The following DOCK3 variants were observed in gnomAD, a reference collection of about 807,000 sequenced individuals.
The protein encoded by DOCK3 is dedicator of cytokinesis 3.
In DOCK3, 60 loss-of-function variants were observed where a neutral mutation model predicts 265.6. The observed-to-expected ratio is 0.23, with a 90% CI of 0.18 to 0.28. DOCK3 has a LOEUF of 0.28. DOCK3 is among the 10% of genes least tolerant of loss of function. The pLI, the probability that DOCK3 is intolerant of heterozygous loss-of-function variation, is 1.00. For synonymous variants in DOCK3, 881 were observed against 938.0 expected, an observed-to-expected ratio of 0.94 and a Z score of 1.11; for missense variants, 1,981 against 2,594.3, an observed-to-expected ratio of 0.76 and a Z score of 5.14.
intron 9 of DOCK3, among the ~76,000 whole-genome samples, chr3:51,115,236 G>T (rs1318324717): frequency 6.6e-6 from 1 of 152,156 alleles, no homozygotes; most frequent in Non-Finnish European, 1.5e-5. Context: ...TTTCCCAATG[G>T]TTGAACTACT....
chr3:50,883,274 A>G (rs2048150061), intron 3 of DOCK3, among the ~76,000 whole-genome samples: 1 of 152,050 alleles, frequency 6.6e-6, no homozygotes, highest in Admixed American at 6.6e-5. Flanking sequence ...TAAAAAAAAA[A>G]GGCCATTTTG....
chr3:51,361,871 G>A lies in DOCK3; in HGVS notation c.5019G>A (p.Leu1673=). The A allele has an allele frequency of 6.2e-7, 1 of 1,613,158 alleles. No individual in the cohort carries two copies. The highest frequency in any genetic ancestry group is 1.1e-5 in the South Asian group (1 of 90,836). The change falls in exon 48 of 53, where the codon TTG becomes TTA. Residue 1673 remains leucine, a synonymous_variant. Coordinates refer to ENST00000266037, the MANE Select transcript of DOCK3 (RefSeq NM_004947.5). This position sits in a 1 kb window ranked among gnomAD's most constrained non-coding sequence, Gnocchi z 4.2. ...KMTHRHSPMN[L]MGTGRHSSSS... ...CTCTTGCTCACAGCCCCATGAACTT[G>A]ATGGGCACAGGCCGCCATTCATCAT... is the stretch of plus-strand genomic sequence containing the variant.
At chr3:51,090,129 C>A (rs2082582776) in intron 8 of DOCK3, 101 bp from the exon 9 acceptor site, 3 of 1,232,780 alleles carry the variant, frequency 2.4e-6, no homozygotes, top group Admixed American at 2.7e-5. Flanking sequence ...TAATCTCCTT[C>A]AGTAGTGTGA....
chr3:51,064,329 A>T, intron 5 of DOCK3, 119 bp from the exon 6 acceptor site: 1 of 1,303,412 alleles, frequency 7.7e-7, no homozygotes, highest in Non-Finnish European at 1.1e-6. Flanking sequence ...GTTCCTCTTT[A>T]TATTACCTTA....
At chr3:51,336,532 C>G (rs1456240617) in intron 35 of DOCK3, among the ~76,000 whole-genome samples, 4 of 152,140 alleles carry the variant, frequency 2.6e-5, no homozygotes, top group Non-Finnish European at 4.4e-5. Flanking sequence ...TCAGGTGAGC[C>G]GGATGCTTCA....
At chr3:51,363,550 C>CA (rs1218714820) in intron 49 of DOCK3, among the ~76,000 whole-genome samples, 2 of 152,152 alleles carry the variant, frequency 1.3e-5, no homozygotes, top group Non-Finnish European at 2.9e-5. Flanking sequence ...AGGTTTGTTA[C>CA]TATGTATACA....
intron 12 of DOCK3, among the ~76,000 whole-genome samples, chr3:51,172,536 A>G (rs751292270): frequency 1.1e-4 from 17 of 152,174 alleles, no homozygotes; most frequent in Non-Finnish European, 2.1e-4. Flanking sequence ...TAGGCAGCAT[A>G]TTGATGGATC....
At chr3:50,683,275 C>T (rs1432658117) in intron 1 of DOCK3, among the ~76,000 whole-genome samples, 3 of 152,126 alleles carry the variant, frequency 2.0e-5, no homozygotes, top group Non-Finnish European at 2.9e-5. Flanking sequence ...TTTATATTTC[C>T]GTTAACATTA....
intron 24 of DOCK3, among the ~76,000 whole-genome samples, chr3:51,271,922 C>T (rs553606668): frequency 2.0e-5 from 3 of 150,826 alleles, no homozygotes; most frequent in African/African-American, 7.3e-5. Flanking sequence ...CCTTGCCATA[C>T]CATTCGATAC....
chr3:50,683,489 A>C (rs1325881409), intron 1 of DOCK3, among the ~76,000 whole-genome samples: 1 of 152,222 alleles, frequency 6.6e-6, no homozygotes, highest in African/African-American at 2.4e-5. Flanking sequence ...TAGTGTATAA[A>C]CAAGTAGTGT....
intron 49 of DOCK3, among the ~76,000 whole-genome samples, chr3:51,367,930 C>G (rs2087354534): frequency 6.6e-6 from 1 of 152,138 alleles, no homozygotes; most frequent in South Asian, 2.1e-4. Flanking sequence ...AACATTTTTT[C>G]CTTCGTTTCA....
At chr3:50,892,703 C>T (rs1286894333) in intron 4 of DOCK3, among the ~76,000 whole-genome samples, 1 of 152,094 alleles carries the variant, frequency 6.6e-6, no homozygotes, top group Non-Finnish European at 1.5e-5. Context: ...GAGAGGCTCA[C>T]TGCAGCTAGC....
intron 9 of DOCK3, among the ~76,000 whole-genome samples, chr3:51,119,242 A>C (rs1348304811): frequency 6.6e-6 from 1 of 152,170 alleles, no homozygotes; most frequent in Non-Finnish European, 1.5e-5. Context: ...TTGGCTGGGT[A>C]TGATATTCTG....
chr3:50,881,554 AC>A (rs1292224119), intron 3 of DOCK3, among the ~76,000 whole-genome samples: 14 of 152,320 alleles, frequency 9.2e-5, no homozygotes, highest in Admixed American at 5.2e-4. Context: ...AATCCAACTT[AC>A]AAGGGATGTG....
chr3:51,159,138 C>A, intron 10 of DOCK3, 106 bp from the exon 11 acceptor site: 2 of 1,014,684 alleles, frequency 2.0e-6, no homozygotes, highest in South Asian at 1.4e-5. Flanking sequence ...AATCTCCCTT[C>A]CCCTGCCTAT....
intron 5 of DOCK3, among the ~76,000 whole-genome samples, chr3:51,045,995 T>C (rs904260752): frequency 6.6e-6 from 1 of 152,130 alleles, no homozygotes; most frequent in African/African-American, 2.4e-5. Context: ...GTAGTTTTAG[T>C]ATGCAATTGG....
At chr3:51,134,342 T>C (rs774153778) in intron 9 of DOCK3, among the ~76,000 whole-genome samples, 5 of 152,188 alleles carry the variant, frequency 3.3e-5, no homozygotes, top group Non-Finnish European at 5.9e-5. Context: ...TCTGAAGACC[T>C]GATAGGGGCT....
At chr3:51,107,674 A>G (rs528712614) in intron 9 of DOCK3, among the ~76,000 whole-genome samples, 1 of 152,248 alleles carries the variant, frequency 6.6e-6, no homozygotes, top group South Asian at 2.1e-4. Flanking sequence ...AAAACTTCCG[A>G]TAAATATAGG....
chr3:51,094,277 C>T (rs770149027), intron 9 of DOCK3, among the ~76,000 whole-genome samples: 14 of 152,194 alleles, frequency 9.2e-5, no homozygotes, highest in African/African-American at 1.7e-4. Context: ...TGGTAGAATT[C>T]GGCTGTGAAT....
Sources: gnomAD v4.1 joint callset for allele counts (sites outside exome capture counted in the v4.1 genomes callset) on GRCh38, gnomAD v4.1.1 for gene constraint, Gnocchi (gnomAD v3.1) non-coding constraint, MANE v1.5 for transcripts, NCBI Gene and HGNC (gene_info 2026-07-23, HGNC 2026-07-21) for gene names.